TIAM1: variants seen among roughly 807,000 people sequenced by gnomAD.
TIAM1 encodes TIAM Rac1 associated GEF 1.
TIAM1 carries 65 observed loss-of-function variants against 163.5 expected under a neutral mutation model. That is an observed-to-expected ratio of 0.40 (90% CI 0.33 to 0.49). The LOEUF (loss-of-function observed/expected upper bound fraction) is 0.49, where lower values mean the gene tolerates loss of function less well. Ranked by LOEUF, TIAM1 falls within the 20% of genes least tolerant of loss-of-function variation. TIAM1 has a pLI of 0.77. For missense variants in TIAM1, 1,789 were observed against 2,044.7 expected, an observed-to-expected ratio of 0.87 and a Z score of 2.41; for synonymous variants, 833 against 810.1, an observed-to-expected ratio of 1.03 and a Z score of -0.48.
At chr21:31,550,683 A>G (rs1443683101) in intron 1 of TIAM1, among the ~76,000 whole-genome samples, 1 of 152,236 alleles carries the variant, frequency 6.6e-6, no homozygotes, top group Non-Finnish European at 1.5e-5. Flanking sequence ...GAGAAAACCT[A>G]GAAGACTTAA....
At chr21:31,476,222 T>A (rs182853461) in intron 1 of TIAM1, among the ~76,000 whole-genome samples, 77 of 152,358 alleles carry the variant, frequency 5.1e-4, no homozygotes, top group Non-Finnish European at 7.5e-4. Flanking sequence ...TCAATGATTC[T>A]CAACAATGAA....
At chr21:31,138,113 G>T (rs915356760) in intron 22 of TIAM1, among the ~76,000 whole-genome samples, 8 of 151,960 alleles carry the variant, frequency 5.3e-5, no homozygotes, top group African/African-American at 1.7e-4. Flanking sequence ...CTGCTGGGAG[G>T]CCTCCACCTT....
At chr21:31,320,767 G>A (rs1482377311) in intron 2 of TIAM1, among the ~76,000 whole-genome samples, 1 of 152,200 alleles carries the variant, frequency 6.6e-6, no homozygotes, top group Non-Finnish European at 1.5e-5. Context: ...GCCGAAGCAG[G>A]CGGATCACTT....
At chr21:31,492,227 A>C (rs2186329) in intron 1 of TIAM1, among the ~76,000 whole-genome samples, 127,665 of 151,992 alleles carry the variant, frequency 0.84, 53,890 homozygotes, top group African/African-American at 0.9. Flanking sequence ...CTATTTTATT[A>C]CTAAATAAGA....
At chr21:31,361,289 A>G (rs1487168578) in intron 2 of TIAM1, among the ~76,000 whole-genome samples, 1 of 152,232 alleles carries the variant, frequency 6.6e-6, no homozygotes, top group African/African-American at 2.4e-5. Context: ...CAGTTCAAAA[A>G]CAAGCAAAAT....
rs139297059 is a variant in TIAM1 at position 31,485,254 on chromosome 21, G to A, written c.-421-21219C>T. Among the ~76,000 whole-genome samples, 20 of 152,162 alleles carry A rather than the reference G, an allele frequency of 1.3e-4. No individual in the cohort carries two copies. The South Asian group carries it at 2.9e-3, about 22-fold the overall frequency. On this transcript the variant is annotated intron_variant, in intron 1 of 28. Coordinates refer to the TIAM1 transcript ENST00000286827. The stretch of plus-strand genomic sequence containing the variant: ...CAGGGCATGCCTCACTCCATGCCTC[G>A]CACACATTCCAACTGGTCCCCAGAA...
chr21:31,162,042 A>G (rs2083952088), intron 16 of TIAM1, among the ~76,000 whole-genome samples: 1 of 152,224 alleles, frequency 6.6e-6, no homozygotes, highest in South Asian at 2.1e-4. Flanking sequence ...CCTTCTTTTT[A>G]TGAAACCCAG....
intron 2 of TIAM1, among the ~76,000 whole-genome samples, chr21:31,424,757 A>C (rs965670069): frequency 3.9e-5 from 6 of 152,240 alleles, no homozygotes; most frequent in African/African-American, 1.4e-4. Flanking sequence ...TACACATCAA[A>C]AGTGCTAAGA....
Position 31,203,008 on chromosome 21 carries a change from T to A in TIAM1, c.2393A>T (p.His798Leu). 1 of 1,611,842 alleles carries A rather than the reference T, an allele frequency of 6.2e-7. No individual in the cohort carries two copies. The highest frequency in any genetic ancestry group is 8.5e-7 in the Non-Finnish European group (1 of 1,179,638). Residue 798 changes from histidine to leucine, a missense_variant, in exon 12 of 28, where the codon CAT becomes CTT. This residue lies in a region of TIAM1 where 456 missense variants were observed against 586.6 expected (regional missense o/e 0.78). Coordinates refer to ENST00000541036, the MANE Select transcript of TIAM1 (RefSeq NM_001353694.2). The stretch of plus-strand genomic sequence containing the variant: ...GTAATGAGCAGAATGATCCAGTTGA[T>A]GTGTCTGGGACAAAAAAGAAAGAAA... ...RDTLELICKT[H>L]QLDHSAHYLR...
At chr21:31,466,338 A>G (rs1175526819) in intron 1 of TIAM1, among the ~76,000 whole-genome samples, 1 of 152,194 alleles carries the variant, frequency 6.6e-6, no homozygotes, top group African/African-American at 2.4e-5. Flanking sequence ...TTCCTGCTGA[A>G]GGCAGGTTGA....
chr21:31,409,106 C>CCTTTT (rs574050108), intron 2 of TIAM1, among the ~76,000 whole-genome samples: 1 of 143,010 alleles, frequency 7.0e-6, no homozygotes, highest in African/African-American at 2.9e-5. Context: ...CAGACCTTCT[C>CCTTTT]CTTTTCTTTT....
At chr21:31,552,247 A>G (rs2048717442) in intron 1 of TIAM1, among the ~76,000 whole-genome samples, 1 of 151,838 alleles carries the variant, frequency 6.6e-6, no homozygotes, top group Non-Finnish European at 1.5e-5. Context: ...TAGTAGAGAC[A>G]GCACCCAGCC....
rs780822746 is a variant in TIAM1, at chr21:31,182,637, C to T, written c.2671G>A (p.Ala891Thr). 5.0e-6 allele frequency: 8 copies of T among 1,610,336 alleles called. No homozygotes were observed. The highest frequency in any genetic ancestry group is 4.5e-5 in the East Asian group (2 of 44,826). Residue 891 changes from alanine (A) to threonine (T), a missense_variant, in exon 15 of 28, where the codon GCA (alanine) becomes ACA (threonine). Ala to Thr is a moderately conservative substitution (Grantham distance 58). Transcript: ENST00000541036. ...TGLASKKGLK[A>T]GDEILEINNR... ...TTGATCTCAAGAATCTCATCTCCTG[C>T]TTTCAGGCCTGCCAACGCAAGATGG...
intron 2 of TIAM1, among the ~76,000 whole-genome samples, chr21:31,365,670 G>A (rs989902329): frequency 4.6e-5 from 7 of 151,962 alleles, no homozygotes; most frequent in Non-Finnish European, 8.8e-5. Context: ...GATTACAGGC[G>A]TGAGCCACTG....
intron 1 of TIAM1, among the ~76,000 whole-genome samples, chr21:31,517,433 T>C (rs1215144319): frequency 1.3e-5 from 2 of 152,180 alleles, no homozygotes; most frequent in African/African-American, 2.4e-5. Context: ...TGGATGATAC[T>C]ATTACTATGA....
intron 1 of TIAM1, among the ~76,000 whole-genome samples, chr21:31,492,049 G>GTA (rs146054323): frequency 0.2 from 30,907 of 151,662 alleles, 3,278 homozygotes; most frequent in Middle Eastern, 0.28. Context: ...ATATATGTGT[G>GTA]TATATATATA....
chr21:31,221,654 T>G (rs945668312), intron 8 of TIAM1, among the ~76,000 whole-genome samples: 3 of 152,186 alleles, frequency 2.0e-5, no homozygotes, highest in African/African-American at 7.2e-5. Flanking sequence ...TTCTCCAAAA[T>G]CTAGCAAGGT....
rs943565807 is a variant in TIAM1 at position 31,461,354 on chromosome 21, C to T, written c.-369+2629G>A. Among the ~76,000 whole-genome samples, 11 of 152,148 alleles carry T rather than the reference C, an allele frequency of 7.2e-5. No individual in the cohort carries two copies. The East Asian group carries it at 2.1e-3, about 29-fold the overall frequency. On this transcript the variant is annotated intron_variant, in intron 2 of 28. Coordinates refer to the TIAM1 transcript ENST00000286827. ...CAAAAAATTAGCTGGGCGTGATGTG[C>T]ATGTCTGTAATCCCAGCTACTCAGG...
intron 15 of TIAM1, among the ~76,000 whole-genome samples, chr21:31,171,035 C>CAAAAAAAAAAAAAAAAAAAAAAAA (rs34291568): frequency 5.1e-5 from 1 of 19,572 alleles, no homozygotes; most frequent in African/African-American, 1.0e-4. Flanking sequence ...GACTCCATCT[C>CAAAAAAAAAAAAAAAAAAAAAAAA]AAAAAAAAAA....
Sources: allele counts gnomAD v4.1 joint callset (sites outside exome capture counted in the v4.1 genomes callset), GRCh38; gene constraint gnomAD v4.1.1; regional missense constraint gnomAD v4.1.1; transcripts MANE v1.5; gene names NCBI Gene and HGNC (gene_info 2026-07-23, HGNC 2026-07-21).